FAM133B: variants seen among roughly 807,000 people sequenced by gnomAD.
The protein encoded by FAM133B is family with sequence similarity 133 member B, also known as protein FAM133B.
FAM133B carries 25 observed loss-of-function variants against 46.4 expected under a neutral mutation model. The observed-to-expected ratio is 0.54, with a 90% CI of 0.39 to 0.75. FAM133B has a LOEUF of 0.75. Ranked by LOEUF, FAM133B falls within the 30% of genes least tolerant of loss-of-function variation. FAM133B has a pLI of 0.00. For missense variants in FAM133B, 205 were observed against 277.6 expected (o/e 0.74, Z 1.86); for synonymous variants, 75 against 86.0 (o/e 0.87, Z 0.71).
chr7:92,584,333 A>C (rs6956251), intron 1 of FAM133B, among the ~76,000 whole-genome samples: 27,832 of 152,154 alleles, frequency 0.18, 2,911 homozygotes, highest in African/African-American at 0.28. Context: ...TGAAAGGAAA[A>C]AATATATTTG....
chr7:92,573,163 CTTTTTTTTTTTTT>C (rs376920507), intron 8 of FAM133B, among the ~76,000 whole-genome samples: 1 of 118,366 alleles, frequency 8.4e-6, no homozygotes, highest in Non-Finnish European at 1.8e-5. Flanking sequence ...AGTTTGGGGA[CTTTTTTTTTTTTT>C]TTTTTTTAGA....
chr7:92,569,272 T>C (rs1386289593), intron 9 of FAM133B, among the ~76,000 whole-genome samples: 1 of 152,168 alleles, frequency 6.6e-6, no homozygotes, highest in African/African-American at 2.4e-5. Flanking sequence ...CACCAAGAAT[T>C]ATGCAAACTT....
At chr7:92,572,600 T>C (rs939143856) in intron 8 of FAM133B, among the ~76,000 whole-genome samples, 2 of 152,116 alleles carry the variant, frequency 1.3e-5, no homozygotes, top group Non-Finnish European at 2.9e-5. Context: ...ATGCCTGTAA[T>C]CCCAGCTATT....
At chr7:92,576,496 T>C (rs543349839) in intron 7 of FAM133B, among the ~76,000 whole-genome samples, 5 of 152,176 alleles carry the variant, frequency 3.3e-5, no homozygotes, top group Non-Finnish European at 7.3e-5. Context: ...GCTGCTTTGG[T>C]TTCCTGAGAC....
At chr7:92,571,113 G>A (rs1337692008) in intron 8 of FAM133B, among the ~76,000 whole-genome samples, 1 of 152,168 alleles carries the variant, frequency 6.6e-6, no homozygotes, top group Non-Finnish European at 1.5e-5. Context: ...GAAATAGAAT[G>A]AAGTGTATGT....
Position 92,577,712 on chromosome 7 carries a change from T to C in FAM133B, c.315A>G (p.Ser105=), listed in dbSNP as rs372596712. The C allele has an allele frequency of 1.3e-6, 2 of 1,576,862 alleles. No individual in the cohort carries two copies. The highest frequency in any genetic ancestry group is 1.8e-5 in the Admixed American group (1 of 54,728). The change falls in exon 6 of 11, where the codon TCA becomes TCG. Residue 105 remains serine (S), a synonymous_variant. Coordinates refer to ENST00000445716, the MANE Select transcript of FAM133B (RefSeq NM_152789.4). ...AATCAGAGCTTGATGAAGAAGAAGA[T>C]GAATACTTGACCAAGCACAAAACAA... ...KKEKKKSGRY[S]SSSSSSSDSS... is the part of the protein sequence containing the mutation.
At chr7:92,567,816 T>C (rs1794404879) in intron 9 of FAM133B, among the ~76,000 whole-genome samples, 1 of 151,886 alleles carries the variant, frequency 6.6e-6, no homozygotes, top group African/African-American at 2.4e-5. Context: ...CAGGATGGAG[T>C]GCAGTGGTGT....
chr7:92,563,732 A>T (rs1311391806), intron 10 of FAM133B, among the ~76,000 whole-genome samples: 1 of 152,158 alleles, frequency 6.6e-6, no homozygotes, highest in Non-Finnish European at 1.5e-5. Flanking sequence ...CCAAATCCTC[A>T]GCCATCTTAG....
intron 5 of FAM133B, 91 bp from the exon 6 acceptor site, chr7:92,577,808 G>C: frequency 2.9e-6 from 3 of 1,026,770 alleles, no homozygotes; most frequent in Non-Finnish European, 4.3e-6. Context: ...AATCAATCTA[G>C]TGTCTGAGAA....
intron 10 of FAM133B, among the ~76,000 whole-genome samples, chr7:92,564,290 G>T (rs1282591976): frequency 6.6e-6 from 1 of 152,090 alleles, no homozygotes; most frequent in East Asian, 1.9e-4. Flanking sequence ...CCTCAGCGAG[G>T]ATTTCATGAG....
At chr7:92,587,690 C>T (rs1273075191) in intron 1 of FAM133B, among the ~76,000 whole-genome samples, 2 of 151,944 alleles carry the variant, frequency 1.3e-5, no homozygotes, top group Non-Finnish European at 2.9e-5. Flanking sequence ...GCCATGATGG[C>T]GACACTGCAC....
At chr7:92,581,193 G>A (rs1794858262) in intron 2 of FAM133B, among the ~76,000 whole-genome samples, 1 of 152,208 alleles carries the variant, frequency 6.6e-6, no homozygotes, top group Admixed American at 6.5e-5. Context: ...ATCAGTAAAG[G>A]ACAAGACTAC....
chr7:92,578,028 C>T (rs1794753855), intron 5 of FAM133B, 122 bp downstream of exon 5: 38 of 868,832 alleles, frequency 4.4e-5, no homozygotes, highest in Middle Eastern at 6.6e-4. Context: ...CAAAGAACCT[C>T]TAAGTTCCTT....
chr7:92,577,835 T>C (rs1794748030), intron 5 of FAM133B, 118 bp from the exon 6 acceptor site: 4 of 807,516 alleles, frequency 5.0e-6, no homozygotes, highest in Non-Finnish European at 7.8e-6. Flanking sequence ...GCCATATTCA[T>C]AAGTCATAAA....
At chr7:92,575,681 T>C (rs115236001) in intron 8 of FAM133B, 90 bp downstream of exon 8, 2 of 575,830 alleles carry the variant, frequency 3.5e-6, no homozygotes, top group Admixed American at 3.8e-5. Context: ...AATAAATATA[T>C]CTCTTAAAAA....
chr7:92,569,274 T>C (rs975735913), intron 9 of FAM133B, among the ~76,000 whole-genome samples: 1 of 152,196 alleles, frequency 6.6e-6, no homozygotes, highest in Non-Finnish European at 1.5e-5. Context: ...CCAAGAATTA[T>C]GCAAACTTTA....
chr7:92,573,698 T>C (rs58628126), intron 8 of FAM133B, among the ~76,000 whole-genome samples: 1 of 152,114 alleles, frequency 6.6e-6, no homozygotes, highest in East Asian at 1.9e-4. Flanking sequence ...ACTTATTTTA[T>C]AATCGTTCTG....
At chr7:92,590,176 T>G in intron 1 of FAM133B, 92 bp downstream of exon 1, 1 of 1,598,594 alleles carries the variant, frequency 6.3e-7, no homozygotes. Context: ...GGCTGCCGCT[T>G]GCCCTCCGGC....
Position 92,590,205 on chromosome 7 carries a change from G to T in FAM133B, c.24+63C>A. The T allele has an allele frequency of 3.1e-6, 5 of 1,611,056 alleles. No individual in the cohort carries two copies. In the South Asian group the frequency reaches 5.5e-5, roughly 18 times the overall value. Reference sequence around the variant, plus strand: ...CTCCGGCCCGGCCGGGAACAGCGAGGGTTCTCGCTGTCCTGCCGCCGGGCC... The same window carrying T: ...CTCCGGCCCGGCCGGGAACAGCGAGTGTTCTCGCTGTCCTGCCGCCGGGCC... On this transcript the variant is annotated intron_variant, in intron 1 of 10. Transcript: ENST00000445716.
Sources: gnomAD v4.1 joint callset for allele counts (sites outside exome capture counted in the v4.1 genomes callset) on GRCh38, gnomAD v4.1.1 for gene constraint, MANE v1.5 for transcripts, NCBI Gene and HGNC (gene_info 2026-07-23, HGNC 2026-07-21) for gene names.